GRIA4: variants seen among roughly 807,000 people sequenced by gnomAD.
GRIA4 encodes glutamate receptor 4.
GRIA4 carries 34 observed loss-of-function variants against 104.0 expected under a neutral mutation model. The ratio of observed to expected loss-of-function variants is 0.33; its 90% CI spans 0.25 to 0.44. The LOEUF is 0.44. GRIA4 is among the 20% of genes least tolerant of loss of function. GRIA4 has a pLI of 1.00. For synonymous variants in GRIA4, 386 were observed against 381.9 expected, an observed-to-expected ratio of 1.01 and a Z score of -0.13; for missense variants, 750 against 1,096.5, an observed-to-expected ratio of 0.68 and a Z score of 4.46.
rs111387726 is a variant in GRIA4 at position 105,677,549 on chromosome 11, T to C, written c.247+65115T>C. 7.9e-3 allele frequency among the ~76,000 whole-genome samples: 1,202 copies of C among 151,992 alleles called. 12 individuals carry two copies. The highest frequency in any genetic ancestry group is 9.5e-3 in the South Asian group (46 of 4,828). On this transcript the variant is annotated intron_variant, in intron 3 of 16. Coordinates refer to ENST00000282499, the MANE Select transcript of GRIA4 (RefSeq NM_000829.4). ...AGAAGTAGTTTATTCATCTATCTCC[T>C]ACCAAAAAAGAAAAGCCAAACTTAA... is the stretch of plus-strand genomic sequence containing the variant.
chr11:105,715,812 C>T (rs1954072031), intron 3 of GRIA4, among the ~76,000 whole-genome samples: 1 of 152,056 alleles, frequency 6.6e-6, no homozygotes, highest in African/African-American at 2.4e-5. Flanking sequence ...CGTGGCGCTA[C>T]CATCCTTTAA....
chr11:105,738,423 C>CA (rs1295062562), intron 3 of GRIA4, among the ~76,000 whole-genome samples: 8 of 152,102 alleles, frequency 5.3e-5, no homozygotes, highest in African/African-American at 1.9e-4. Flanking sequence ...GTAATTAAAG[C>CA]AGCCACAGTT....
intron 4 of GRIA4, among the ~76,000 whole-genome samples, chr11:105,771,987 T>C (rs1409322138): frequency 6.6e-6 from 1 of 152,084 alleles, no homozygotes; most frequent in Non-Finnish European, 1.5e-5. Context: ...GTAAATAAAC[T>C]TAAAGATGCT....
chr11:105,951,081 T>G (rs1028012222), intron 14 of GRIA4, among the ~76,000 whole-genome samples: 1 of 152,282 alleles, frequency 6.6e-6, no homozygotes, highest in African/African-American at 2.4e-5. Flanking sequence ...GATTCAAAAA[T>G]TCTGGGATTC....
intron 3 of GRIA4, among the ~76,000 whole-genome samples, chr11:105,751,444 G>C (rs1179027805): frequency 6.6e-6 from 1 of 152,156 alleles, no homozygotes; most frequent in African/African-American, 2.4e-5. Flanking sequence ...GATGCCTGAA[G>C]CTTCAACTAG....
intron 6 of GRIA4, 126 bp downstream of exon 6, chr11:105,887,698 A>G (rs1252299260): frequency 1.8e-6 from 1 of 570,888 alleles, no homozygotes; most frequent in Non-Finnish European, 3.1e-6. Flanking sequence ...ATAACACATG[A>G]TATTTTATTA....
chr11:105,717,511 C>A (rs1954133812), intron 3 of GRIA4, among the ~76,000 whole-genome samples: 1 of 151,842 alleles, frequency 6.6e-6, no homozygotes, highest in African/African-American at 2.4e-5. Context: ...TTCTGAATTT[C>A]TAAAAAGACA....
chr11:105,909,514 G>A (rs565976301), intron 9 of GRIA4, among the ~76,000 whole-genome samples: 2 of 152,274 alleles, frequency 1.3e-5, no homozygotes, highest in South Asian at 2.1e-4. Context: ...GTAACTTTGT[G>A]TAATTTATTT....
intron 9 of GRIA4, among the ~76,000 whole-genome samples, chr11:105,907,276 C>CTCTT (rs1012182469): frequency 1.3e-5 from 2 of 152,132 alleles, no homozygotes; most frequent in Non-Finnish European, 2.9e-5. Context: ...TCATCTAAGG[C>CTCTT]TCTTAAAAGA....
chr11:105,912,655 A>G (rs1425706829), intron 10 of GRIA4: 3 of 775,768 alleles, frequency 3.9e-6, no homozygotes, highest in African/African-American at 1.9e-5. Flanking sequence ...TTTGTATGAA[A>G]ATGTAATCTT....
At chr11:105,976,540 G>C (rs1471104331) in intron 16 of GRIA4, among the ~76,000 whole-genome samples, 1 of 151,936 alleles carries the variant, frequency 6.6e-6, no homozygotes, top group Admixed American at 6.6e-5. Flanking sequence ...TGGCATTTGG[G>C]ATAAATGAAA....
chr11:105,744,448 G>C (rs1221716884), intron 3 of GRIA4, among the ~76,000 whole-genome samples: 2 of 152,080 alleles, frequency 1.3e-5, no homozygotes, highest in Non-Finnish European at 2.9e-5. Flanking sequence ...AAAATGCATA[G>C]ATTAGTTATC....
intron 4 of GRIA4, among the ~76,000 whole-genome samples, chr11:105,811,187 G>A (rs901230538): frequency 5.9e-5 from 9 of 152,114 alleles, no homozygotes; most frequent in African/African-American, 1.9e-4. Flanking sequence ...TGTTAAGAGG[G>A]CTGCAGGGAA....
At chr11:105,950,225 A>T (rs1051466466) in intron 14 of GRIA4, among the ~76,000 whole-genome samples, 1 of 152,162 alleles carries the variant, frequency 6.6e-6, no homozygotes, top group Admixed American at 6.5e-5. Flanking sequence ...AAGCCAGTGG[A>T]TCTGGTCTTG....
intron 4 of GRIA4, among the ~76,000 whole-genome samples, chr11:105,762,078 C>A (rs1940682321): frequency 6.6e-6 from 1 of 150,406 alleles, no homozygotes; most frequent in African/African-American, 2.4e-5. Context: ...AGCTGAAGTG[C>A]AATTGTGTGA....
rs942018601 is a variant in GRIA4 at position 105,815,188 on chromosome 11, C to A, written c.488-46836C>A. Among the ~76,000 whole-genome samples, 3 of 152,188 alleles carry A rather than the reference C, an allele frequency of 2.0e-5. No homozygotes were observed. The South Asian group carries it at 6.2e-4, about 32-fold the overall frequency. ...TAAAACCAGCCTTCCTACCTGACATCTCCAGTTACATGAATCAATAAATTC... is the reference window on the plus strand; with the variant it reads ...TAAAACCAGCCTTCCTACCTGACATATCCAGTTACATGAATCAATAAATTC... On this transcript the variant is annotated intron_variant, in intron 4 of 16. Coordinates refer to ENST00000282499, the MANE Select transcript of GRIA4 (RefSeq NM_000829.4).
chr11:105,717,065 C>T lies in GRIA4; in HGVS notation c.248-35916C>T, dbSNP rs1954116816. On this transcript the variant is annotated intron_variant, in intron 3 of 16. Coordinates refer to ENST00000282499, the MANE Select transcript of GRIA4 (RefSeq NM_000829.4). ...CCTCCGTGATAACTTATTCATTAAT[C>T]TTCAGAATATCCCAAACAAGTGAAT... Among the ~76,000 whole-genome samples, 5 of 152,030 alleles carry T rather than the reference C, an allele frequency of 3.3e-5. No homozygotes were observed. In the South Asian group the frequency reaches 1.0e-3, roughly 32 times the overall value.
chr11:105,848,126 G>T (rs921418108), intron 4 of GRIA4, among the ~76,000 whole-genome samples: 2 of 152,146 alleles, frequency 1.3e-5, no homozygotes, highest in Admixed American at 6.5e-5. Flanking sequence ...GATTAAAATG[G>T]TTTCATTAGC....
At chr11:105,769,121 G>T (rs966723325) in intron 4 of GRIA4, among the ~76,000 whole-genome samples, 3 of 152,074 alleles carry the variant, frequency 2.0e-5, no homozygotes, top group African/African-American at 4.8e-5. Context: ...TGAAGCAAGG[G>T]TCAAGGACTA....
Sources: allele counts gnomAD v4.1 joint callset (sites outside exome capture counted in the v4.1 genomes callset), GRCh38; gene constraint gnomAD v4.1.1; transcripts MANE v1.5; gene names NCBI Gene and HGNC (gene_info 2026-07-23, HGNC 2026-07-21).